SDK1: variants seen among roughly 807,000 people sequenced by gnomAD.
SDK1 encodes protein sidekick-1.
Under a neutral mutation model 245.5 loss-of-function variants are expected in SDK1, and 157 were observed. The ratio of observed to expected loss-of-function variants is 0.64; its 90% confidence interval spans 0.56 to 0.73. The LOEUF is 0.73. Among genes scored for constraint, SDK1 ranks in the 30% least tolerant of loss-of-function variants. SDK1 has a pLI of 0.00. For synonymous variants in SDK1, 1,647 were observed against 1,278.5 expected, an observed-to-expected ratio of 1.29 and a Z score of -6.15; for missense variants, 3,583 against 3,002.3, an observed-to-expected ratio of 1.19 and a Z score of -4.52.
chr7:3,375,588 G>A (rs765707607), intron 1 of SDK1, among the ~76,000 whole-genome samples: 1 of 152,130 alleles, frequency 6.6e-6, no homozygotes, highest in Non-Finnish European at 1.5e-5. Flanking sequence ...TCTGTCTTGT[G>A]CTCCCTTGCA....
At chr7:3,858,678 G>A (rs368980077) in intron 5 of SDK1, among the ~76,000 whole-genome samples, 1 of 151,982 alleles carries the variant, frequency 6.6e-6, no homozygotes, top group Non-Finnish European at 1.5e-5. Flanking sequence ...ACAAGTCCCA[G>A]TACAAGCTTT....
chr7:3,548,610 T>G (rs914985016), intron 1 of SDK1, among the ~76,000 whole-genome samples: 1 of 152,204 alleles, frequency 6.6e-6, no homozygotes, highest in Non-Finnish European at 1.5e-5. Context: ...ATGAAATAGC[T>G]GTGTTTGAGG....
At chr7:3,654,352 A>T (rs763319898) in intron 4 of SDK1, among the ~76,000 whole-genome samples, 10 of 152,192 alleles carry the variant, frequency 6.6e-5, no homozygotes, top group Non-Finnish European at 1.5e-5. Flanking sequence ...TGCTTTCATG[A>T]ATAGTCTGCA....
At chr7:3,846,225 A>T (rs1409736344) in intron 5 of SDK1, among the ~76,000 whole-genome samples, 2 of 152,218 alleles carry the variant, frequency 1.3e-5, no homozygotes, top group African/African-American at 4.8e-5. Flanking sequence ...CAGGCAAGGA[A>T]AAATGTGCTG....
intron 28 of SDK1, among the ~76,000 whole-genome samples, chr7:4,142,344 C>T (rs1562876523): frequency 6.6e-6 from 1 of 151,908 alleles, no homozygotes; most frequent in Non-Finnish European, 1.5e-5. Context: ...TCTGTTTTTG[C>T]TGGAGACAGA....
At chr7:3,580,121 C>T (rs1273286410) in intron 1 of SDK1, among the ~76,000 whole-genome samples, 1 of 152,106 alleles carries the variant, frequency 6.6e-6, no homozygotes, top group African/African-American at 2.4e-5. Context: ...AATTACAAAA[C>T]ACTGTTCAAA....
At chr7:3,937,235 G>A (rs1211079287) in intron 5 of SDK1, among the ~76,000 whole-genome samples, 2 of 152,198 alleles carry the variant, frequency 1.3e-5, no homozygotes, top group African/African-American at 4.8e-5. Context: ...AGGTATTTAT[G>A]AGGCCCCTAT....
intron 1 of SDK1, among the ~76,000 whole-genome samples, chr7:3,536,679 G>C (rs145244288): frequency 0.029 from 4,447 of 151,592 alleles, 212 homozygotes; most frequent in African/African-American, 0.096. Context: ...GGGCAACAGA[G>C]TGGGACTCTG....
intron 1 of SDK1, among the ~76,000 whole-genome samples, chr7:3,361,714 G>T (rs953202145): frequency 6.6e-6 from 1 of 152,166 alleles, no homozygotes; most frequent in South Asian, 2.1e-4. Flanking sequence ...TTGGTCACAC[G>T]AAATAGGGCA....
chr7:3,505,179 T>C (rs573982263), intron 1 of SDK1, among the ~76,000 whole-genome samples: 57 of 152,352 alleles, frequency 3.7e-4, no homozygotes, highest in African/African-American at 1.3e-3. Flanking sequence ...TTTTAAAATA[T>C]ATCTGTTTTT....
intron 1 of SDK1, among the ~76,000 whole-genome samples, chr7:3,400,395 C>A (rs939111605): frequency 5.3e-5 from 8 of 152,100 alleles, no homozygotes; most frequent in Non-Finnish European, 1.0e-4. Context: ...CACAGATCTT[C>A]ACTCCACCAT....
Position 4,203,523 on chromosome 7 carries a change from AT to A in SDK1, c.5099-2346del, listed in dbSNP as rs150885926. 8.2e-3 allele frequency among the ~76,000 whole-genome samples: 1,004 copies of A among 122,920 alleles called. 6 individuals carry two copies. The highest frequency in any genetic ancestry group is 0.032 in the African/African-American group (950 of 29,400). 80.6% of individuals were successfully genotyped at this position (122,920 alleles called of 152,430 possible). On this transcript the variant is annotated intron_variant, in intron 35 of 44. Coordinates refer to ENST00000404826, the MANE Select transcript of SDK1 (RefSeq NM_152744.4). ...ATGCTTTTTAAAAATAATTTCATGT[AT>A]TTTTTTTTTAAAAAAAAAAAGCTTC... is the stretch of plus-strand genomic sequence containing the variant.
intron 36 of SDK1, among the ~76,000 whole-genome samples, chr7:4,206,303 C>G (rs952196479): frequency 1.1e-4 from 16 of 152,224 alleles, no homozygotes; most frequent in Admixed American, 4.6e-4. Flanking sequence ...CTGGGGAACC[C>G]TTCCGTTTCC....
chr7:3,555,377 A>G (rs1779556057), intron 1 of SDK1, among the ~76,000 whole-genome samples: 1 of 152,234 alleles, frequency 6.6e-6, no homozygotes, highest in South Asian at 2.1e-4. Flanking sequence ...CTGGATATCC[A>G]TATACAGAAG....
rs139235810 is a variant in SDK1 at position 3,739,180 on chromosome 7, C to A, written c.714-82270C>A. Among the ~76,000 whole-genome samples, 572 of 152,164 alleles carry A rather than the reference C, an allele frequency of 3.8e-3. 6 individuals carry two copies. The highest frequency in any genetic ancestry group is 0.013 in the African/African-American group (540 of 41,522). ...TCATTCATTCATCTTATTTGCTGTT[C>A]TTTTCTTGACAAGTAATTGTTTTCT... is the stretch of plus-strand genomic sequence containing the variant. On this transcript the variant is annotated intron_variant, in intron 4 of 44. Transcript: ENST00000404826.
chr7:3,448,980 C>G (rs1163330642), intron 1 of SDK1, among the ~76,000 whole-genome samples: 1 of 152,078 alleles, frequency 6.6e-6, no homozygotes, highest in Non-Finnish European at 1.5e-5. Flanking sequence ...TTTTAAGACC[C>G]TGGGGAAAAA....
chr7:4,196,276 G>A (rs1010029261), intron 35 of SDK1, among the ~76,000 whole-genome samples: 2 of 152,220 alleles, frequency 1.3e-5, no homozygotes, highest in South Asian at 4.2e-4. Context: ...CCCCGCCCTC[G>A]CTCAGACCAC....
In SDK1 at chr7:4,202,725, A is replaced by T. The variant is rs536549603; in HGVS notation, c.5099-3154A>T. On this transcript the variant is annotated intron_variant, in intron 35 of 44. Coordinates refer to ENST00000404826, the MANE Select transcript of SDK1 (RefSeq NM_152744.4). ...TTTTCCCTCACTCTCTGAAGCCTCCACTCCTCCACCAAATGCCACGTAGAA... is the reference window on the plus strand; with the variant it reads ...TTTTCCCTCACTCTCTGAAGCCTCCTCTCCTCCACCAAATGCCACGTAGAA... Among the ~76,000 whole-genome samples, 3 of 152,176 alleles carry T rather than the reference A, an allele frequency of 2.0e-5. No individual in the cohort carries two copies. In the South Asian group the frequency reaches 6.2e-4, roughly 32 times the overall value.
chr7:3,718,374 C>A (rs1785263732), intron 4 of SDK1, among the ~76,000 whole-genome samples: 3 of 151,500 alleles, frequency 2.0e-5, no homozygotes, highest in African/African-American at 7.3e-5. Context: ...AGCTGTGGTG[C>A]CAGGTGCCTG....
Sources: gnomAD v4.1 joint callset for allele counts (sites outside exome capture counted in the v4.1 genomes callset) on GRCh38, gnomAD v4.1.1 for gene constraint, MANE v1.5 for transcripts, NCBI Gene and HGNC (gene_info 2026-07-23, HGNC 2026-07-21) for gene names.